MSH3: variants seen among roughly 807,000 people sequenced by gnomAD.
MSH3 encodes the protein mutS homolog 3, also known as DNA mismatch repair protein Msh3.
A neutral mutation model predicts 123.3 loss-of-function variants in MSH3; 106 were observed. That is an observed-to-expected ratio of 0.86 (90% CI 0.73 to 1.01). MSH3 has a LOEUF of 1.01. Among genes scored for constraint, MSH3 ranks in the 50% least tolerant of loss-of-function variants. MSH3 has a pLI of 0.00. For synonymous variants in MSH3, 515 were observed against 481.4 expected (o/e 1.07, Z -0.91); for missense variants, 1,459 against 1,347.6 (o/e 1.08, Z -1.29).
intron 10 of MSH3, among the ~76,000 whole-genome samples, chr5:80,736,962 G>GTGTA (rs1452334102): frequency 1.3e-5 from 2 of 152,132 alleles, no homozygotes; most frequent in Non-Finnish European, 1.5e-5. Context: ...GTCGAGTCCT[G>GTGTA]TGTATATACC....
At position 80,692,689 on chromosome 5, in the gene MSH3, GATAA is replaced by G. The variant is rs1380529842; in HGVS notation, c.1340+13600_1340+13603del. On this transcript the variant is annotated intron_variant, in intron 8 of 23. Coordinates refer to ENST00000265081, the MANE Select transcript of MSH3 (RefSeq NM_002439.5). ...ACATGTATATGTTTATGTTTATATA[GATAA>G]ATATACATACACATGTATATGTTTA... Among the ~76,000 whole-genome samples, 5 of 135,454 alleles carry G rather than the reference GATAA, an allele frequency of 3.7e-5. No individual in the cohort carries two copies. In the East Asian group the frequency reaches 6.5e-4, roughly 18 times the overall value. The allele number at this position is 135,454 out of a possible 152,430, so 88.9% of individuals were successfully genotyped here. A position where few individuals can be genotyped will look rare whatever the true frequency, so the allele number is the denominator to read the frequency against.
At chr5:80,777,910 G>A (rs1227502141) in intron 16 of MSH3, among the ~76,000 whole-genome samples, 1 of 152,060 alleles carries the variant, frequency 6.6e-6, no homozygotes, top group Non-Finnish European at 1.5e-5. Context: ...ACTTACAGGC[G>A]CTCTCCTAAG....
intron 22 of MSH3, among the ~76,000 whole-genome samples, chr5:80,872,299 C>T (rs1023898701): frequency 6.6e-6 from 1 of 150,988 alleles, no homozygotes; most frequent in Non-Finnish European, 1.5e-5. Context: ...GCCAAAACCC[C>T]ATCTCTACAA....
intron 22 of MSH3, among the ~76,000 whole-genome samples, chr5:80,868,588 G>A (rs1224685525): frequency 3.5e-5 from 5 of 142,296 alleles, no homozygotes; most frequent in Admixed American, 7.3e-5. Context: ...GAGACATAGC[G>A]GGGAACAACA....
intron 20 of MSH3, among the ~76,000 whole-genome samples, chr5:80,819,013 A>G (rs32990): frequency 0.25 from 37,456 of 152,034 alleles, 4,892 homozygotes; most frequent in Non-Finnish European, 0.3. Context: ...TTTTGGGGTA[A>G]TACTTCCTAG....
At chr5:80,839,671 C>G (rs1024869772) in intron 20 of MSH3, among the ~76,000 whole-genome samples, 1 of 152,158 alleles carries the variant, frequency 6.6e-6, no homozygotes, top group Non-Finnish European at 1.5e-5. Flanking sequence ...GACCATAATC[C>G]TCCTACCCAG....
At chr5:80,779,294 G>A (rs769943578) in intron 17 of MSH3, among the ~76,000 whole-genome samples, 12 of 151,512 alleles carry the variant, frequency 7.9e-5, no homozygotes, top group Non-Finnish European at 1.8e-4. Context: ...CACCCAGCCC[G>A]AAAGAAATTC....
At chr5:80,731,028 A>G (rs1403347555) in intron 10 of MSH3, among the ~76,000 whole-genome samples, 1 of 150,422 alleles carries the variant, frequency 6.6e-6, no homozygotes, top group Non-Finnish European at 1.5e-5. Flanking sequence ...TCCACCTCCC[A>G]AGTAGCTGGG....
At chr5:80,690,693 T>A (rs1403416727) in intron 8 of MSH3, among the ~76,000 whole-genome samples, 2 of 152,196 alleles carry the variant, frequency 1.3e-5, no homozygotes. Context: ...ATTACTAATG[T>A]GATCTTAAAC....
At chr5:80,655,885 C>T (rs892261796) in intron 1 of MSH3, among the ~76,000 whole-genome samples, 1 of 152,134 alleles carries the variant, frequency 6.6e-6, no homozygotes, top group Non-Finnish European at 1.5e-5. Context: ...TGGTGAAGGA[C>T]TTATGTATGC....
chr5:80,721,907 T>C (rs751686403), intron 8 of MSH3, among the ~76,000 whole-genome samples: 16 of 152,182 alleles, frequency 1.1e-4, no homozygotes, highest in Non-Finnish European at 2.1e-4. Context: ...GCCATTTGTG[T>C]TTCTGTGTTT....
At chr5:80,768,492 T>A (rs1255868965) in intron 14 of MSH3, among the ~76,000 whole-genome samples, 1 of 152,188 alleles carries the variant, frequency 6.6e-6, no homozygotes, top group Non-Finnish European at 1.5e-5. Flanking sequence ...AGCAAAGTTA[T>A]CCTTTAAAAG....
chr5:80,866,985 T>A (rs1746111487), intron 22 of MSH3, among the ~76,000 whole-genome samples: 1 of 152,198 alleles, frequency 6.6e-6, no homozygotes, highest in African/African-American at 2.4e-5. Flanking sequence ...TGGTTCCCAT[T>A]TGTCCACTGG....
At chr5:80,821,256 T>C (rs1452072605) in intron 20 of MSH3, among the ~76,000 whole-genome samples, 1 of 152,232 alleles carries the variant, frequency 6.6e-6, no homozygotes, top group African/African-American at 2.4e-5. Flanking sequence ...TATTTCAGTA[T>C]CTATCTTAGT....
intron 2 of MSH3, among the ~76,000 whole-genome samples, chr5:80,659,798 C>T (rs1364565459): frequency 6.6e-6 from 1 of 152,126 alleles, no homozygotes; most frequent in Non-Finnish European, 1.5e-5. Context: ...TAACCCCCTT[C>T]CCCCAGCCCC....
At chr5:80,702,637 A>G (rs1750636239) in intron 8 of MSH3, among the ~76,000 whole-genome samples, 1 of 152,202 alleles carries the variant, frequency 6.6e-6, no homozygotes, top group African/African-American at 2.4e-5. Flanking sequence ...GACAGGTAAC[A>G]CTTAACTAGA....
At chr5:80,662,386 G>A (rs566690307) in intron 2 of MSH3, among the ~76,000 whole-genome samples, 17 of 147,996 alleles carry the variant, frequency 1.1e-4, no homozygotes, top group African/African-American at 4.0e-4. Context: ...GTCAACACCT[G>A]TAGTAAGTTT....
rs1288342900 is a variant in MSH3, at chr5:80,869,913, CCT to C, written c.3131-3202_3131-3201del. Among the ~76,000 whole-genome samples, 18 of 150,408 alleles carry C rather than the reference CCT, an allele frequency of 1.2e-4. 1 individual carries two copies. In the East Asian group the frequency reaches 1.7e-3, roughly 15 times the overall value. On this transcript the variant is annotated intron_variant, in intron 22 of 23. Transcript: ENST00000265081. ...AATAGGCTGGGCATGGTGGCTCACG[CCT>C]GTAATCTCAGCACTTTGGGAGGCCA...
intron 18 of MSH3, 94 bp downstream of exon 18, chr5:80,787,766 T>A: frequency 1.2e-6 from 1 of 861,270 alleles, no homozygotes; most frequent in Non-Finnish European, 1.9e-6. Context: ...ATATTACAGT[T>A]ACTCAAATGT....
Sources: allele counts gnomAD v4.1 joint callset (sites outside exome capture counted in the v4.1 genomes callset), GRCh38; gene constraint gnomAD v4.1.1; transcripts MANE v1.5; gene names NCBI Gene and HGNC (gene_info 2026-07-23, HGNC 2026-07-21).